The following DENND1B variants were observed in gnomAD, a reference collection of about 807,000 sequenced individuals.
The protein encoded by DENND1B is DENN domain containing 1B.
In DENND1B, 59 loss-of-function variants were observed where a neutral mutation model predicts 90.1. The ratio of observed to expected loss-of-function variants is 0.65; its 90% confidence interval spans 0.53 to 0.81. The LOEUF is 0.81. Ranked by LOEUF, DENND1B falls within the 40% of genes least tolerant of loss-of-function variation. The pLI, the probability that DENND1B is intolerant of heterozygous loss-of-function variation, is 0.00. For missense variants in DENND1B, 862 were observed against 912.6 expected, an observed-to-expected ratio of 0.94 and a Z score of 0.71; for synonymous variants, 337 against 324.6, an observed-to-expected ratio of 1.04 and a Z score of -0.41.
chr1:197,610,391 C>G, intron 12 of DENND1B, among the ~76,000 whole-genome samples: 1 of 150,084 alleles, frequency 6.7e-6, no homozygotes, highest in South Asian at 2.1e-4. Flanking sequence ...AATATATACC[C>G]TTTTATACAG....
intron 20 of DENND1B, among the ~76,000 whole-genome samples, chr1:197,514,559 T>G (rs1430827986): frequency 6.6e-6 from 1 of 151,656 alleles, no homozygotes; most frequent in Non-Finnish European, 1.5e-5. Context: ...TGGGTATTTA[T>G]TTCAAAATAA....
At chr1:197,717,072 A>G (rs1660717819) in intron 2 of DENND1B, among the ~76,000 whole-genome samples, 1 of 151,940 alleles carries the variant, frequency 6.6e-6, no homozygotes, top group South Asian at 2.1e-4. Flanking sequence ...ACCCTTCAGC[A>G]CGCAAAAAAT....
intron 3 of DENND1B, among the ~76,000 whole-genome samples, chr1:197,685,191 C>A (rs527345535): frequency 6.6e-6 from 1 of 152,076 alleles, no homozygotes; most frequent in South Asian, 2.1e-4. Flanking sequence ...CATATCAGAA[C>A]AAATAAATAA....
At chr1:197,549,628 C>G (rs1671069819) in intron 16 of DENND1B, among the ~76,000 whole-genome samples, 1 of 151,916 alleles carries the variant, frequency 6.6e-6, no homozygotes, top group African/African-American at 2.4e-5. Context: ...TTTCACAGAC[C>G]AACACTGTGT....
intron 3 of DENND1B, among the ~76,000 whole-genome samples, chr1:197,688,196 C>G (rs1477034335): frequency 6.6e-6 from 1 of 151,964 alleles, no homozygotes; most frequent in Non-Finnish European, 1.5e-5. Context: ...AAAGACATCC[C>G]ATGTTCATGA....
At chr1:197,555,073 G>GT (rs983453083) in intron 15 of DENND1B, among the ~76,000 whole-genome samples, 1 of 151,902 alleles carries the variant, frequency 6.6e-6, no homozygotes, top group Non-Finnish European at 1.5e-5. Context: ...ACAAAAATAA[G>GT]TAATGGTGAA....
At chr1:197,687,461 T>C (rs1221882705) in intron 3 of DENND1B, among the ~76,000 whole-genome samples, 2 of 152,200 alleles carry the variant, frequency 1.3e-5, no homozygotes, top group South Asian at 2.1e-4. Flanking sequence ...CTAAGACTTA[T>C]CTATTTATCT....
chr1:197,716,509 G>A (rs910058739), intron 2 of DENND1B, among the ~76,000 whole-genome samples: 1 of 151,008 alleles, frequency 6.6e-6, no homozygotes, highest in Non-Finnish European at 1.5e-5. Context: ...AATATCTTGT[G>A]GATAATTATA....
At chr1:197,781,935 T>A in the DENND1B span, among the ~76,000 whole-genome samples, 10 of 152,236 alleles carry the variant, frequency 6.6e-5, no homozygotes, top group Admixed American at 6.5e-4. Context: ...CAGCAAAAGA[T>A]CTTCTTCTGC....
chr1:197,523,199 T>C (rs576471560), intron 20 of DENND1B, among the ~76,000 whole-genome samples: 1 of 152,216 alleles, frequency 6.6e-6, no homozygotes, highest in East Asian at 1.9e-4. Flanking sequence ...CTTAAACTGC[T>C]GACAAACTCA....
At chr1:197,616,471 T>C (rs1437332933) in intron 11 of DENND1B, among the ~76,000 whole-genome samples, 1 of 150,998 alleles carries the variant, frequency 6.6e-6, no homozygotes, top group Non-Finnish European at 1.5e-5. Flanking sequence ...CCTTTCTAGT[T>C]CTCAAACAGC....
At chr1:197,627,691 G>C (rs1254633494) in intron 10 of DENND1B, among the ~76,000 whole-genome samples, 1 of 151,946 alleles carries the variant, frequency 6.6e-6, no homozygotes, top group Non-Finnish European at 1.5e-5. Context: ...CAATTAGGCA[G>C]GGGAAGGAAA....
chr1:197,664,643 C>T (rs1414115152), intron 5 of DENND1B, among the ~76,000 whole-genome samples: 2 of 151,958 alleles, frequency 1.3e-5, no homozygotes, highest in Admixed American at 6.6e-5. Context: ...AGTCAGGTAA[C>T]CACTAAAGTC....
intron 3 of DENND1B, among the ~76,000 whole-genome samples, chr1:197,679,814 T>G (rs1209046717): frequency 1.3e-5 from 2 of 149,382 alleles, no homozygotes; most frequent in African/African-American, 2.4e-5. Flanking sequence ...GGTTGTTTTT[T>G]TTTTTTTTTT....
chr1:197,528,816 C>T (rs1430208664), intron 20 of DENND1B, among the ~76,000 whole-genome samples: 2 of 150,096 alleles, frequency 1.3e-5, no homozygotes, highest in East Asian at 2.0e-4. Context: ...GCCGAGATCC[C>T]GCCACTGCAC....
intron 10 of DENND1B, among the ~76,000 whole-genome samples, chr1:197,637,145 T>C (rs1280314618): frequency 6.6e-6 from 1 of 152,220 alleles, no homozygotes; most frequent in African/African-American, 2.4e-5. Context: ...TTTTCTTTTA[T>C]TTAATGTTGA....
intron 20 of DENND1B, among the ~76,000 whole-genome samples, chr1:197,515,929 A>G (rs1668364774): frequency 6.6e-6 from 1 of 151,876 alleles, no homozygotes; most frequent in African/African-American, 2.4e-5. Context: ...TTACCTTTAT[A>G]TTCTGTAGCT....
At chr1:197,544,888 GGAAGAA>G (rs147294193) in intron 18 of DENND1B, among the ~76,000 whole-genome samples, 1 of 116,034 alleles carries the variant, frequency 8.6e-6, no homozygotes, top group Admixed American at 9.2e-5. Flanking sequence ...AAGAGGAAGA[GGAAGAA>G]GAAGAAGAAA....
intron 20 of DENND1B, among the ~76,000 whole-genome samples, chr1:197,527,937 C>T (rs562138907): frequency 6.6e-6 from 1 of 152,150 alleles, no homozygotes; most frequent in Non-Finnish European, 1.5e-5. Context: ...TTCCAAAGAT[C>T]CCAACAAGTA....
Sources: gnomAD v4.1 joint callset for allele counts (sites outside exome capture counted in the v4.1 genomes callset) on GRCh38, gnomAD v4.1.1 for gene constraint, MANE v1.5 for transcripts, NCBI Gene and HGNC (gene_info 2026-07-23, HGNC 2026-07-21) for gene names.